The following PC variants were observed in gnomAD, a reference collection of about 807,000 sequenced individuals.
The protein encoded by PC is pyruvate carboxylase, mitochondrial.
In PC, 46 loss-of-function variants were observed where a neutral mutation model predicts 107.8. The observed-to-expected ratio is 0.43, with a 90% CI of 0.34 to 0.55. The LOEUF is 0.55. Among genes scored for constraint, PC ranks in the 20% least tolerant of loss-of-function variants. The probability of loss-of-function intolerance (pLI) is 0.04; values close to 1 mark genes in which losing one functional copy is unlikely to be tolerated. For synonymous variants in PC, 662 were observed against 684.7 expected (o/e 0.97, Z 0.52); for missense variants, 1,241 against 1,643.1 (o/e 0.76, Z 4.23).
chr11:66,927,835 G>A (rs1458901987), intron 3 of PC, among the ~76,000 whole-genome samples: 2 of 152,030 alleles, frequency 1.3e-5, no homozygotes, highest in Non-Finnish European at 2.9e-5. Flanking sequence ...TAGTAAGGAA[G>A]CCTGGAGACT....
intron 11 of PC, among the ~76,000 whole-genome samples, chr11:66,864,672 AGGGCAGCG>A (rs1257409700): frequency 1.3e-5 from 2 of 152,282 alleles, no homozygotes; most frequent in Non-Finnish European, 2.9e-5. Context: ...GGGCGAGGAG[AGGGCAGCG>A]GGGCAGCGGG....
intron 3 of PC, among the ~76,000 whole-genome samples, chr11:66,883,974 G>A (rs937891804): frequency 1.3e-5 from 2 of 152,096 alleles, no homozygotes; most frequent in East Asian, 1.9e-4. Context: ...GGCCTGGCAC[G>A]TGGCTCACAC....
At chr11:66,849,575 C>G in intron 21 of PC, 36 bp downstream of exon 21, 1 of 1,613,886 alleles carries the variant, frequency 6.2e-7, no homozygotes, top group Non-Finnish European at 8.5e-7. Context: ...GGCAGGGGGC[C>G]AGGGTGGAGT....
At chr11:66,851,344 G>T in intron 16 of PC, 64 bp from the exon 17 acceptor site, 1 of 1,595,520 alleles carries the variant, frequency 6.3e-7, no homozygotes, top group Non-Finnish European at 8.5e-7. Context: ...GTCTTCCCTG[G>T]CTCCTTCCTG....
rs1341069537 is a variant in PC at position 66,858,149 on chromosome 11, C to T, written c.1369-4766G>A. The T allele has an allele frequency of 2.5e-6, 4 of 1,610,610 alleles. No homozygotes were observed. Among genetic ancestry groups the T allele is most frequent in the Admixed American group, 3.3e-5 (2 of 59,972 alleles). On this transcript the variant is annotated intron_variant, in intron 12 of 22. Coordinates refer to ENST00000393960, the MANE Select transcript of PC (RefSeq NM_001040716.2). This position sits in a 1 kb window ranked among gnomAD's most constrained non-coding sequence, Gnocchi z 5.9. Reference sequence around the variant, plus strand: ...TCAGCGGCAACCAGCTGGGCCGCATCGCGCCGGGAGCCTTCGACGACTTCC... The same window carrying T: ...TCAGCGGCAACCAGCTGGGCCGCATTGCGCCGGGAGCCTTCGACGACTTCC...
intron 18 of PC, 79 bp from the exon 19 acceptor site, chr11:66,850,543 T>C: frequency 6.2e-7 from 1 of 1,608,674 alleles, no homozygotes; most frequent in Non-Finnish European, 8.5e-7. Flanking sequence ...AGGTCCCATG[T>C]CTGACTCAGG....
chr11:66,859,487 ACT>A (rs1555021128), intron 12 of PC: 2 of 1,446,218 alleles, frequency 1.4e-6, no homozygotes, highest in Non-Finnish European at 1.8e-6. Flanking sequence ...TCCTGGCCAC[ACT>A]CTCCAGCCTG....
At chr11:66,921,295 T>G (rs1015729106) in intron 3 of PC, among the ~76,000 whole-genome samples, 1 of 152,170 alleles carries the variant, frequency 6.6e-6, no homozygotes, top group Non-Finnish European at 1.5e-5. Flanking sequence ...CTTTTCCCGA[T>G]AGCCTTAAAG....
chr11:66,927,158 A>AT (rs1006649096), intron 3 of PC, among the ~76,000 whole-genome samples: 7 of 136,622 alleles, frequency 5.1e-5, no homozygotes, highest in South Asian at 2.9e-4. Context: ...TGCCCAGCTA[A>AT]TTTTTTTTTG....
rs1212408282 is a variant in PC, at chr11:66,870,791, G to A, written c.735C>T (p.Ile245=). ...VEKFIEKPRH[I]EVQILGDQYG... The stretch of plus-strand genomic sequence containing the variant: ...ACCACTCACCCAAGATCTGCACCTC[G>A]ATGTGCCGTGGCTTCTCGATGAACT... Residue 245 remains isoleucine, a synonymous_variant, in exon 8 of 23, where the codon ATC becomes ATT. Transcript: ENST00000393960. The surrounding 1 kb of genome is among the most constrained non-coding windows in gnomAD (Gnocchi z 6.1). The A allele has an allele frequency of 1.2e-6, 2 of 1,612,864 alleles. No homozygotes were observed. The highest frequency in any genetic ancestry group is 1.7e-5 in the Admixed American group (1 of 60,012).
At chr11:66,896,985 G>A (rs1947781704) in intron 3 of PC, among the ~76,000 whole-genome samples, 1 of 152,110 alleles carries the variant, frequency 6.6e-6, no homozygotes, top group African/African-American at 2.4e-5. Context: ...AGGCTGGAGT[G>A]CAGTGGTGCA....
intron 3 of PC, among the ~76,000 whole-genome samples, chr11:66,951,366 G>A (rs1949431680): frequency 6.6e-6 from 1 of 152,126 alleles, no homozygotes; most frequent in Admixed American, 6.5e-5. Context: ...TGGACTAGCA[G>A]GGGACCGGCG....
intron 10 of PC, among the ~76,000 whole-genome samples, chr11:66,867,694 C>T (rs528443032): frequency 2.6e-5 from 4 of 152,212 alleles, no homozygotes; most frequent in Non-Finnish European, 5.9e-5. Flanking sequence ...CTGTCTGACA[C>T]AAAACCCGTG....
intron 3 of PC, among the ~76,000 whole-genome samples, chr11:66,918,083 C>T (rs1948505971): frequency 6.6e-6 from 1 of 152,166 alleles, no homozygotes; most frequent in African/African-American, 2.4e-5. Context: ...ATAGAAACAG[C>T]AAATAGAATC....
rs1014187049 is a variant in PC, at chr11:66,874,142, T to C, written c.1-1983A>G. Among the ~76,000 whole-genome samples the C allele has an allele frequency of 6.6e-5, 10 of 152,260 alleles. No individual in the cohort carries two copies. In the East Asian group the frequency reaches 1.9e-3, roughly 29 times the overall value. Reference sequence around the variant, plus strand: ...GCCCAGCTAATTTTTGTATTTTTAGTAGAGACAGGGTTTCACCATCTTGGC... The same window carrying C: ...GCCCAGCTAATTTTTGTATTTTTAGCAGAGACAGGGTTTCACCATCTTGGC... On this transcript the variant is annotated intron_variant, in intron 3 of 22. Transcript: ENST00000393960.
chr11:66,870,415 C>G lies in PC; in HGVS notation c.790G>C (p.Asp264His), dbSNP rs1187014090. 6.2e-7 allele frequency: 1 copy of G among 1,613,746 alleles called. No homozygotes were observed. Among genetic ancestry groups the G allele is most frequent in the Non-Finnish European group, 8.5e-7 (1 of 1,180,014 alleles). Reference sequence around the variant, plus strand: ...TGGTGCCGCCGCTGGATGGAGCAGTCTCGCTCGTACAGGTGCAGGATGTTC... The same window carrying G: ...TGGTGCCGCCGCTGGATGGAGCAGTGTCGCTCGTACAGGTGCAGGATGTTC... ...YGNILHLYER[D>H]CSIQRRHQKV... is the part of the protein sequence containing the mutation. Residue 264 changes from aspartate (D) to histidine (H), a missense_variant, in exon 9 of 23, where the codon GAC becomes CAC. Coordinates refer to ENST00000393960, the MANE Select transcript of PC (RefSeq NM_001040716.2). The surrounding 1 kb of genome is among the most constrained non-coding windows in gnomAD (Gnocchi z 6.1).
intron 3 of PC, among the ~76,000 whole-genome samples, chr11:66,930,065 A>C (rs1461431898): frequency 2.0e-5 from 3 of 152,188 alleles, no homozygotes; most frequent in African/African-American, 7.2e-5. Flanking sequence ...TGGGACTTCC[A>C]AAGGATACTC....
At chr11:66,932,931 C>A (rs1316278997) in intron 3 of PC, among the ~76,000 whole-genome samples, 1 of 152,126 alleles carries the variant, frequency 6.6e-6, no homozygotes, top group African/African-American at 2.4e-5. Context: ...AAAACAGAAA[C>A]AAGTGTTCTT....
At chr11:66,878,109 G>C (rs900637244) in intron 3 of PC, among the ~76,000 whole-genome samples, 2 of 152,154 alleles carry the variant, frequency 1.3e-5, no homozygotes, top group African/African-American at 2.4e-5. Flanking sequence ...GGGAGGACTT[G>C]GCTATGTGTC....
Sources: gnomAD v4.1 joint callset for allele counts (sites outside exome capture counted in the v4.1 genomes callset) on GRCh38, gnomAD v4.1.1 for gene constraint, Gnocchi (gnomAD v3.1) non-coding constraint, MANE v1.5 for transcripts, NCBI Gene and HGNC (gene_info 2026-07-23, HGNC 2026-07-21) for gene names.